The following GPC5 variants were observed in gnomAD, a reference collection of about 807,000 sequenced individuals.
The protein encoded by GPC5 is glypican 5.
GPC5 carries 47 observed loss-of-function variants against 53.9 expected under a neutral mutation model. The observed-to-expected ratio is 0.87, with a 90% CI of 0.69 to 1.11. The LOEUF (loss-of-function observed/expected upper bound fraction) is 1.11, where lower values mean the gene tolerates loss of function less well. Ranked by LOEUF, GPC5 falls within the 50% of genes most tolerant of loss-of-function variation. The pLI is 0.00. For synonymous variants in GPC5, 286 were observed against 263.3 expected (o/e 1.09, Z -0.84); for missense variants, 748 against 713.1 (o/e 1.05, Z -0.56).
chr13:92,669,491 C>T (rs1886677631), intron 7 of GPC5, among the ~76,000 whole-genome samples: 1 of 152,118 alleles, frequency 6.6e-6, no homozygotes, highest in East Asian at 1.9e-4. Context: ...AAACTGAGCA[C>T]CTGTTTGCTG....
chr13:91,643,655 C>T (rs997997702), intron 2 of GPC5, among the ~76,000 whole-genome samples: 5 of 152,156 alleles, frequency 3.3e-5, no homozygotes, highest in Admixed American at 2.0e-4. Context: ...AGTCCAAGAC[C>T]GATCTGCTTC....
intron 5 of GPC5, among the ~76,000 whole-genome samples, chr13:91,774,845 T>G (rs1403941884): frequency 4.6e-5 from 7 of 152,186 alleles, no homozygotes; most frequent in Non-Finnish European, 1.0e-4. Flanking sequence ...AGACCGCCTT[T>G]TTGCGTAACT....
At chr13:91,500,768 G>A (rs1884578070) in intron 2 of GPC5, among the ~76,000 whole-genome samples, 1 of 152,162 alleles carries the variant, frequency 6.6e-6, no homozygotes, top group Non-Finnish European at 1.5e-5. Context: ...TGGTTTGGCT[G>A]TGTCCCCACC....
chr13:91,856,955 G>A lies in GPC5; in HGVS notation c.1281-50982G>A, dbSNP rs142374485. On this transcript the variant is annotated intron_variant, in intron 5 of 7. Transcript: ENST00000377067. Reference sequence around the variant, plus strand: ...TTGTGTGTTATGATATAGGGCTTAAGCTTTTTCTTTTTTTTTTGACTTATG... The same window carrying A: ...TTGTGTGTTATGATATAGGGCTTAAACTTTTTCTTTTTTTTTTGACTTATG... Among the ~76,000 whole-genome samples the A allele has an allele frequency of 4.5e-3, 601 of 132,782 alleles. 8 individuals carry two copies. The highest frequency in any genetic ancestry group is 0.014 in the African/African-American group (574 of 40,118). The allele number at this position is 132,782 out of a possible 152,430, so 87.1% of individuals were successfully genotyped here.
chr13:92,801,129 T>C (rs1876888956), intron 7 of GPC5, among the ~76,000 whole-genome samples: 1 of 151,574 alleles, frequency 6.6e-6, no homozygotes, highest in Non-Finnish European at 1.5e-5. Context: ...TGTGTGTGTG[T>C]AGTGTGTGTG....
intron 2 of GPC5, among the ~76,000 whole-genome samples, chr13:91,658,390 T>TG (rs11461424): frequency 0.21 from 31,298 of 151,314 alleles, 5,117 homozygotes; most frequent in African/African-American, 0.45. Context: ...GGGAATTTTT[T>TG]GGGGGGATAG....
chr13:92,131,995 A>C (rs2041747860), intron 6 of GPC5, among the ~76,000 whole-genome samples: 1 of 152,148 alleles, frequency 6.6e-6, no homozygotes, highest in African/African-American at 2.4e-5. Context: ...TTTTATATCC[A>C]TACACTCAAA....
intron 2 of GPC5, among the ~76,000 whole-genome samples, chr13:91,619,190 C>T (rs61966916): frequency 0.1 from 15,419 of 152,012 alleles, 817 homozygotes; most frequent in East Asian, 0.19. Flanking sequence ...TTTGAAAGAA[C>T]AGCTGTTAAA....
intron 2 of GPC5, among the ~76,000 whole-genome samples, chr13:91,471,623 A>T (rs1195806498): frequency 1.3e-5 from 2 of 152,162 alleles, no homozygotes; most frequent in Non-Finnish European, 2.9e-5. Flanking sequence ...TATTCATTCT[A>T]TTTGAAGCTT....
At chr13:92,381,847 G>GATATATGTTTATATAT (rs1261792173) in intron 7 of GPC5, among the ~76,000 whole-genome samples, 2 of 119,582 alleles carry the variant, frequency 1.7e-5, no homozygotes, top group African/African-American at 3.1e-5. Flanking sequence ...TATTGTATAT[G>GATATATGTTTATATAT]ATCATATATG....
intron 4 of GPC5, among the ~76,000 whole-genome samples, chr13:91,731,088 G>A (rs932132924): frequency 6.6e-6 from 1 of 152,208 alleles, no homozygotes; most frequent in African/African-American, 2.4e-5. Context: ...ACATCTAACA[G>A]TGAAGGGGTC....
chr13:92,570,648 A>G (rs1371903213), intron 7 of GPC5, among the ~76,000 whole-genome samples: 1 of 152,134 alleles, frequency 6.6e-6, no homozygotes, highest in East Asian at 1.9e-4. Context: ...ATATGTTTAT[A>G]TGTAAAAAAT....
At chr13:91,450,751 A>G (rs1881123798) in intron 2 of GPC5, among the ~76,000 whole-genome samples, 1 of 152,112 alleles carries the variant, frequency 6.6e-6, no homozygotes, top group African/African-American at 2.4e-5. Context: ...TATAAAAAAT[A>G]TAGAGACATT....
At chr13:91,990,600 A>G (rs1224248015) in intron 6 of GPC5, among the ~76,000 whole-genome samples, 1 of 152,172 alleles carries the variant, frequency 6.6e-6, no homozygotes, top group Non-Finnish European at 1.5e-5. Flanking sequence ...TTAAAAATAT[A>G]TTTTTGTATC....
chr13:91,702,063 A>G lies in GPC5; in HGVS notation c.1020+8182A>G, dbSNP rs546865266. ...TGTTGATTCATGATATTAAACATTT[A>G]AACATACACCTCTTGGCCATTTGTA... is the stretch of plus-strand genomic sequence containing the variant. On this transcript the variant is annotated intron_variant, in intron 3 of 7. Coordinates refer to ENST00000377067, the MANE Select transcript of GPC5 (RefSeq NM_004466.6). Among the ~76,000 whole-genome samples the G allele has an allele frequency of 5.0e-4, 76 of 152,220 alleles. 1 individual carries two copies. The highest frequency in any genetic ancestry group is 1.2e-3 in the Admixed American group (18 of 15,288).
At chr13:92,621,059 T>C (rs1473982610) in intron 7 of GPC5, among the ~76,000 whole-genome samples, 1 of 152,210 alleles carries the variant, frequency 6.6e-6, no homozygotes, top group Non-Finnish European at 1.5e-5. Context: ...AGTGGGAAGC[T>C]GGGGTGAGGT....
intron 7 of GPC5, among the ~76,000 whole-genome samples, chr13:92,347,661 G>A (rs2043424694): frequency 6.7e-6 from 1 of 149,366 alleles, no homozygotes; most frequent in Non-Finnish European, 1.5e-5. Flanking sequence ...AATGATCACA[G>A]GTAATTTTAT....
chr13:92,493,774 C>T (rs750309461), intron 7 of GPC5, among the ~76,000 whole-genome samples: 1 of 152,132 alleles, frequency 6.6e-6, no homozygotes, highest in East Asian at 1.9e-4. Context: ...CCAGACGTAG[C>T]GCTAGCAATT....
At chr13:91,604,018 T>C (rs9515948) in intron 2 of GPC5, among the ~76,000 whole-genome samples, 72,593 of 147,800 alleles carry the variant, frequency 0.49, 21,521 homozygotes, top group East Asian at 0.69. Context: ...TAGTTACATA[T>C]GTATACATGT....
Sources: gnomAD v4.1 joint callset for allele counts (sites outside exome capture counted in the v4.1 genomes callset) on GRCh38, gnomAD v4.1.1 for gene constraint, MANE v1.5 for transcripts, NCBI Gene and HGNC (gene_info 2026-07-23, HGNC 2026-07-21) for gene names.